Variants in KIAA1217 observed in about 807,000 individuals in gnomAD.
KIAA1217 encodes the protein sickle tail protein homolog.
Under a neutral mutation model 163.9 loss-of-function variants are expected in KIAA1217, and 88 were observed. The ratio of observed to expected loss-of-function variants is 0.54; its 90% confidence interval spans 0.45 to 0.64. The LOEUF is 0.64. Ranked by LOEUF, KIAA1217 falls within the 30% of genes least tolerant of loss-of-function variation. The pLI is 0.00. For synonymous variants in KIAA1217, 903 were observed against 923.1 expected (o/e 0.98, Z 0.39); for missense variants, 2,372 against 2,475.0 (o/e 0.96, Z 0.88).
chr10:24,024,427 T>C (rs1314595035), intron 2 of KIAA1217, among the ~76,000 whole-genome samples: 1 of 151,722 alleles, frequency 6.6e-6, no homozygotes. Context: ...ATTTTTTTAT[T>C]TCTGAATAGT....
chr10:23,751,733 T>A (rs1249046256), intron 1 of KIAA1217, among the ~76,000 whole-genome samples: 1 of 152,216 alleles, frequency 6.6e-6, no homozygotes, highest in Non-Finnish European at 1.5e-5. Flanking sequence ...TAAAAAGTTT[T>A]TTCTTCCTGG....
intron 1 of KIAA1217, among the ~76,000 whole-genome samples, chr10:23,717,689 GA>G (rs998271002): frequency 5.3e-5 from 8 of 152,062 alleles, no homozygotes; most frequent in Non-Finnish European, 1.2e-4. Flanking sequence ...ATAGGGATAA[GA>G]AAAACAATAA....
intron 1 of KIAA1217, among the ~76,000 whole-genome samples, chr10:23,854,911 T>A (rs1839568335): frequency 6.6e-6 from 1 of 152,254 alleles, no homozygotes; most frequent in Non-Finnish European, 1.5e-5. Context: ...TGTGTGTCTC[T>A]GCACATGAGA....
chr10:24,179,489 T>C (rs1589797406), intron 2 of KIAA1217, among the ~76,000 whole-genome samples: 1 of 152,320 alleles, frequency 6.6e-6, no homozygotes, highest in African/African-American at 2.4e-5. Context: ...GTAAGTTTCC[T>C]GAGGCCTCCC....
At chr10:24,061,747 A>T (rs951801970) in intron 2 of KIAA1217, among the ~76,000 whole-genome samples, 1 of 152,208 alleles carries the variant, frequency 6.6e-6, no homozygotes, top group Non-Finnish European at 1.5e-5. Flanking sequence ...TGAAAAACCC[A>T]TTGAAAATCT....
chr10:24,395,327 C>T (rs529575217), intron 3 of KIAA1217, among the ~76,000 whole-genome samples: 12 of 152,204 alleles, frequency 7.9e-5, no homozygotes, highest in South Asian at 2.1e-4. Context: ...CCTGTTGCTC[C>T]GGTCTTGGAG....
At chr10:23,801,422 C>T (rs972876755) in intron 1 of KIAA1217, among the ~76,000 whole-genome samples, 2 of 152,074 alleles carry the variant, frequency 1.3e-5, no homozygotes, top group African/African-American at 4.8e-5. Flanking sequence ...ACGTGTATAC[C>T]TATGTAACAA....
At chr10:24,416,697 G>T (rs1465104383) in intron 3 of KIAA1217, among the ~76,000 whole-genome samples, 1 of 152,066 alleles carries the variant, frequency 6.6e-6, no homozygotes, top group Non-Finnish European at 1.5e-5. Context: ...GATCAGGAAG[G>T]GTCCCCCCCA....
intron 1 of KIAA1217, among the ~76,000 whole-genome samples, chr10:23,710,182 G>A (rs963805133): frequency 2.0e-5 from 3 of 146,358 alleles, no homozygotes; most frequent in Non-Finnish European, 4.4e-5. Context: ...TATGCAGACT[G>A]CACTTTTTCT....
At chr10:24,164,523 T>C (rs1177268097) in intron 2 of KIAA1217, among the ~76,000 whole-genome samples, 2 of 152,310 alleles carry the variant, frequency 1.3e-5, no homozygotes, top group Admixed American at 1.3e-4. Context: ...GAATAGTTCT[T>C]GGTGTAGAGT....
intron 2 of KIAA1217, among the ~76,000 whole-genome samples, chr10:24,380,363 C>G (rs1045917259): frequency 1.3e-5 from 2 of 151,930 alleles, no homozygotes; most frequent in Non-Finnish European, 2.9e-5. Flanking sequence ...CAGCGGGTCA[C>G]GCCTATAATC....
At chr10:23,979,466 C>A (rs1845677131) in intron 1 of KIAA1217, among the ~76,000 whole-genome samples, 1 of 152,160 alleles carries the variant, frequency 6.6e-6, no homozygotes. Flanking sequence ...CTCTTCATGT[C>A]TTTCTTAAGG....
intron 1 of KIAA1217, among the ~76,000 whole-genome samples, chr10:23,984,041 C>G (rs1443427349): frequency 6.6e-6 from 1 of 152,228 alleles, no homozygotes; most frequent in Admixed American, 6.5e-5. Flanking sequence ...ATAGCAGTCA[C>G]TAGTCCACTG....
At chr10:24,186,037 C>T (rs1259687405) in intron 2 of KIAA1217, among the ~76,000 whole-genome samples, 2 of 152,022 alleles carry the variant, frequency 1.3e-5, no homozygotes, top group East Asian at 1.9e-4. Context: ...TCTTCCCTTC[C>T]CTTCTCCTCC....
At chr10:23,704,927 A>G (rs944111024) in intron 1 of KIAA1217, among the ~76,000 whole-genome samples, 3 of 152,150 alleles carry the variant, frequency 2.0e-5, no homozygotes, top group Non-Finnish European at 4.4e-5. Flanking sequence ...TGCTGTCAAT[A>G]TGAGGGTTCC....
chr10:24,324,431 G>C (rs1349503448), intron 2 of KIAA1217, among the ~76,000 whole-genome samples: 1 of 152,164 alleles, frequency 6.6e-6, no homozygotes, highest in African/African-American at 2.4e-5. Flanking sequence ...GCCAGGCATG[G>C]TGGCATGCTC....
intron 2 of KIAA1217, among the ~76,000 whole-genome samples, chr10:24,182,437 A>G (rs965861025): frequency 2.8e-5 from 3 of 108,620 alleles, no homozygotes; most frequent in Non-Finnish European, 6.5e-5. Context: ...GCAAGACTCC[A>G]TCACACACAC....
At chr10:24,114,613 C>T (rs1050629746) in intron 2 of KIAA1217, among the ~76,000 whole-genome samples, 1 of 152,226 alleles carries the variant, frequency 6.6e-6, no homozygotes, top group Admixed American at 6.5e-5. Context: ...TGATTTCCCT[C>T]AAGTGAACAG....
intron 1 of KIAA1217, among the ~76,000 whole-genome samples, chr10:23,940,574 A>T (rs1195994957): frequency 6.6e-6 from 1 of 152,162 alleles, no homozygotes; most frequent in East Asian, 1.9e-4. Flanking sequence ...CTTAAACAAG[A>T]CTTCAATTAA....
Sources: gnomAD v4.1 joint callset for allele counts (sites outside exome capture counted in the v4.1 genomes callset) on GRCh38, gnomAD v4.1.1 for gene constraint, MANE v1.5 for transcripts, NCBI Gene and HGNC (gene_info 2026-07-23, HGNC 2026-07-21) for gene names.